SEMA3E: variants seen among roughly 807,000 people sequenced by gnomAD.
SEMA3E encodes semaphorin-3E.
SEMA3E carries 49 observed loss-of-function variants against 93.6 expected under a neutral mutation model. The ratio of observed to expected loss-of-function variants is 0.52; its 90% CI spans 0.42 to 0.66. SEMA3E has a LOEUF of 0.66. Among genes scored for constraint, SEMA3E ranks in the 30% least tolerant of loss-of-function variants. The pLI is 0.00. For missense variants in SEMA3E, 906 were observed against 964.8 expected (o/e 0.94, Z 0.81); for synonymous variants, 363 against 330.7 (o/e 1.10, Z -1.06).
intron 11 of SEMA3E, among the ~76,000 whole-genome samples, chr7:83,397,678 C>G (rs1341180568): frequency 6.6e-6 from 1 of 151,972 alleles, no homozygotes; most frequent in Admixed American, 6.6e-5. Flanking sequence ...AAAATTTTAA[C>G]AACACATTAA....
chr7:83,402,779 G>A lies in SEMA3E; in HGVS notation c.999-3C>T, dbSNP rs566304903. On this transcript the variant is annotated splice_region_variant and splice_polypyrimidine_tract_variant and intron_variant, in intron 9 of 16. Transcript: ENST00000643230. ...TAGCATGCCCTCGAAAAATATTACT[G>A]AAAAATACAAAAAAGATAATTATTC... The A allele has an allele frequency of 2.5e-6, 4 of 1,610,786 alleles. No homozygotes were observed. In the East Asian group the frequency reaches 9.0e-5, roughly 36 times the overall value.
At chr7:83,599,600 A>C (rs1056764300) in intron 1 of SEMA3E, among the ~76,000 whole-genome samples, 1 of 152,240 alleles carries the variant, frequency 6.6e-6, no homozygotes, top group African/African-American at 2.4e-5. Context: ...AAATGAGTAT[A>C]TATTTTTCCC....
intron 16 of SEMA3E, among the ~76,000 whole-genome samples, chr7:83,374,937 A>C (rs1341641881): frequency 6.6e-6 from 1 of 152,142 alleles, no homozygotes; most frequent in East Asian, 1.9e-4. Context: ...GTGAAAAAAA[A>C]CAAGAGCCAA....
Position 83,400,185 on chromosome 7 carries a change from T to A in SEMA3E, c.1209A>T (p.Arg403=), listed in dbSNP as rs1336381854. Residue 403 remains arginine, a synonymous_variant, in exon 11 of 17, where the codon CGA becomes CGT. Transcript: ENST00000643230. ...ACATTAGTGGATGACTTCTTGCAAA[T>A]CGGATGGCATCATCAGGATAGTCCT... ...TTKDYPDDAI[R]FARSHPLMYQ... is the part of the protein sequence containing the mutation. 5 of 1,613,986 alleles carry A rather than the reference T, an allele frequency of 3.1e-6. No individual in the cohort carries two copies. The highest frequency in any genetic ancestry group is 3.4e-6 in the Non-Finnish European group (4 of 1,179,958).
At chr7:83,425,815 GA>G in intron 4 of SEMA3E, among the ~76,000 whole-genome samples, 1 of 152,228 alleles carries the variant, frequency 6.6e-6, no homozygotes, top group African/African-American at 2.4e-5. Flanking sequence ...TGCAGAATGG[GA>G]GAAAATATTC....
intron 3 of SEMA3E, among the ~76,000 whole-genome samples, chr7:83,468,582 A>C (rs567126779): frequency 1.3e-5 from 2 of 152,170 alleles, no homozygotes; most frequent in African/African-American, 2.4e-5. Flanking sequence ...AAAAAGGTTA[A>C]GTTCACTTTC....
chr7:83,599,153 TAAG>T (rs1209541848), intron 1 of SEMA3E, among the ~76,000 whole-genome samples: 2 of 152,214 alleles, frequency 1.3e-5, no homozygotes, highest in East Asian at 3.8e-4. Context: ...GGTAAAGTAG[TAAG>T]GACACATTTT....
At chr7:83,401,181 T>C (rs1200126559) in intron 10 of SEMA3E, among the ~76,000 whole-genome samples, 1 of 152,134 alleles carries the variant, frequency 6.6e-6, no homozygotes, top group Non-Finnish European at 1.5e-5. Context: ...TACTCAACAG[T>C]AGCTTAAGTT....
chr7:83,572,946 G>A lies in SEMA3E; in HGVS notation c.115+75482C>T, dbSNP rs537542349. Among the ~76,000 whole-genome samples, 7 of 152,072 alleles carry A rather than the reference G, an allele frequency of 4.6e-5. No homozygotes were observed. In the East Asian group the frequency reaches 1.4e-3, roughly 29 times the overall value. On this transcript the variant is annotated intron_variant, in intron 1 of 16. Coordinates refer to ENST00000643230, the MANE Select transcript of SEMA3E (RefSeq NM_012431.3). ...AGAAAAAACAAAAAAAACAAAACAC[G>A]GAAATACCCTTCTTGATATCAGGTT...
chr7:83,429,107 A>T (rs1788831834), intron 4 of SEMA3E, among the ~76,000 whole-genome samples: 1 of 152,116 alleles, frequency 6.6e-6, no homozygotes, highest in Admixed American at 6.6e-5. Flanking sequence ...TTTTCAAAAA[A>T]ATCTTATTTT....
chr7:83,555,976 T>G (rs1791879214), intron 1 of SEMA3E, among the ~76,000 whole-genome samples: 1 of 152,132 alleles, frequency 6.6e-6, no homozygotes, highest in Non-Finnish European at 1.5e-5. Context: ...TTAACTTCTG[T>G]TTTTGCTCCA....
intron 1 of SEMA3E, among the ~76,000 whole-genome samples, chr7:83,509,343 G>C (rs866674704): frequency 3.3e-5 from 5 of 152,124 alleles, no homozygotes; most frequent in African/African-American, 1.2e-4. Context: ...TTTTCATAGT[G>C]TTGCCCTGAA....
At chr7:83,402,491 C>T in intron 10 of SEMA3E, 141 bp downstream of exon 10, 1 of 690,932 alleles carries the variant, frequency 1.4e-6, no homozygotes, top group Non-Finnish European at 2.4e-6. Context: ...TATTTTTTTA[C>T]TACATATACT....
intron 1 of SEMA3E, among the ~76,000 whole-genome samples, chr7:83,647,365 CT>C (rs1794092721): frequency 6.6e-6 from 1 of 152,090 alleles, no homozygotes; most frequent in Non-Finnish European, 1.5e-5. Context: ...ATACAAGCTT[CT>C]GTTCTTTCTA....
chr7:83,526,848 G>A (rs1791170705), intron 1 of SEMA3E, among the ~76,000 whole-genome samples: 2 of 152,084 alleles, frequency 1.3e-5, no homozygotes, highest in East Asian at 1.9e-4. Context: ...ACCGTGGGAG[G>A]GTCCCAAGTA....
intron 3 of SEMA3E, among the ~76,000 whole-genome samples, chr7:83,468,549 T>C (rs1033738452): frequency 6.7e-6 from 1 of 148,986 alleles, no homozygotes; most frequent in Non-Finnish European, 1.5e-5. Flanking sequence ...GTCATTTATA[T>C]AGTTTTTTTT....
chr7:83,543,801 G>A (rs187410358), intron 1 of SEMA3E, among the ~76,000 whole-genome samples: 1 of 152,008 alleles, frequency 6.6e-6, no homozygotes, highest in African/African-American at 2.4e-5. Context: ...CTTCATAATT[G>A]AGAACATACT....
intron 2 of SEMA3E, among the ~76,000 whole-genome samples, chr7:83,482,223 G>A (rs147376776): frequency 9.8e-4 from 149 of 152,122 alleles, no homozygotes; most frequent in African/African-American, 3.4e-3. Flanking sequence ...TAACCTAAAC[G>A]AAATTCAACA....
intron 5 of SEMA3E, among the ~76,000 whole-genome samples, chr7:83,409,491 G>A (rs1242248336): frequency 6.6e-6 from 1 of 152,134 alleles, no homozygotes; most frequent in African/African-American, 2.4e-5. Flanking sequence ...TTTTCTTAAT[G>A]AGTGGCATAT....
Sources: allele counts gnomAD v4.1 joint callset (sites outside exome capture counted in the v4.1 genomes callset), GRCh38; gene constraint gnomAD v4.1.1; transcripts MANE v1.5; gene names NCBI Gene and HGNC (gene_info 2026-07-23, HGNC 2026-07-21).